The following NCKAP5 variants were observed in gnomAD, a reference collection of about 807,000 sequenced individuals.
NCKAP5 encodes nck-associated protein 5.
NCKAP5 carries 92 observed loss-of-function variants against 167.0 expected under a neutral mutation model. That is an observed-to-expected ratio of 0.55 (90% CI 0.47 to 0.66). NCKAP5 has a LOEUF of 0.66. Among genes scored for constraint, NCKAP5 ranks in the 30% least tolerant of loss-of-function variants. The probability of loss-of-function intolerance (pLI) is 0.00; values close to 1 mark genes in which losing one functional copy is unlikely to be tolerated. For synonymous variants in NCKAP5, 891 were observed against 877.4 expected, an observed-to-expected ratio of 1.02 and a Z score of -0.27; for missense variants, 2,378 against 2,315.0, an observed-to-expected ratio of 1.03 and a Z score of -0.56.
chr2:133,445,698 G>A lies in NCKAP5; in HGVS notation c.69+71760C>T, dbSNP rs561220872. Among the ~76,000 whole-genome samples the A allele has an allele frequency of 1.2e-4, 19 of 152,264 alleles. 1 individual carries two copies. The highest frequency in any genetic ancestry group is 4.6e-4 in the African/African-American group (19 of 41,550). On this transcript the variant is annotated intron_variant, in intron 3 of 19. Transcript: ENST00000409261. Reference sequence around the variant, plus strand: ...CCACCTGGTCCCAGAGAAAGGGAGAGACTTTTTGGCAGCACAGGGAGAGTA... The same window carrying A: ...CCACCTGGTCCCAGAGAAAGGGAGAAACTTTTTGGCAGCACAGGGAGAGTA...
At chr2:133,003,499 C>T (rs945916464) in intron 6 of NCKAP5, among the ~76,000 whole-genome samples, 3 of 152,176 alleles carry the variant, frequency 2.0e-5, no homozygotes, top group African/African-American at 2.4e-5. Context: ...GAAGCTAGGA[C>T]ATCTAAGCAC....
intron 2 of NCKAP5, among the ~76,000 whole-genome samples, chr2:133,547,946 T>C (rs1380884249): frequency 6.9e-6 from 1 of 145,888 alleles, no homozygotes; most frequent in Non-Finnish European, 1.5e-5. Flanking sequence ...CGGGAGGACA[T>C]TCAAACCAAA....
intron 11 of NCKAP5, among the ~76,000 whole-genome samples, chr2:132,830,524 A>G (rs1042169435): frequency 3.9e-5 from 6 of 152,150 alleles, no homozygotes; most frequent in African/African-American, 1.4e-4. Flanking sequence ...GACCACCAGC[A>G]GAAGAGGTAT....
chr2:133,611,691 A>T, the NCKAP5 span, among the ~76,000 whole-genome samples: 13 of 152,288 alleles, frequency 8.5e-5, no homozygotes, highest in East Asian at 2.3e-3. Context: ...GGCAACTAAT[A>T]GCCTCTCCCT....
At chr2:133,152,100 A>G (rs1026805363) in intron 5 of NCKAP5, among the ~76,000 whole-genome samples, 3 of 152,238 alleles carry the variant, frequency 2.0e-5, no homozygotes, top group Admixed American at 6.5e-5. Flanking sequence ...GAAGACAAGT[A>G]AAATGCAGGG....
At chr2:132,689,309 T>C (rs1686416421) in intron 19 of NCKAP5, among the ~76,000 whole-genome samples, 1 of 152,198 alleles carries the variant, frequency 6.6e-6, no homozygotes, top group Non-Finnish European at 1.5e-5. Flanking sequence ...CCACATGTAC[T>C]CACTAGTAAG....
At chr2:133,410,734 C>G (rs983319723) in intron 3 of NCKAP5, among the ~76,000 whole-genome samples, 2 of 152,170 alleles carry the variant, frequency 1.3e-5, no homozygotes, top group African/African-American at 4.8e-5. Flanking sequence ...TTTAATAAGT[C>G]TTCTGCGTGA....
rs576119280 is a variant in NCKAP5, at chr2:132,783,353, A to C, written c.3458T>G (p.Leu1153Arg). 2.5e-6 allele frequency: 4 copies of C among 1,613,132 alleles called. No homozygotes were observed. The South Asian group carries it at 3.3e-5, about 13-fold the overall frequency. The change falls in exon 14 of 20, where the codon CTC becomes CGC. Residue 1153 changes from leucine (L) to arginine (R), a missense_variant. Around this residue, in one of 3 missense-constraint regions of NCKAP5, gnomAD observed 1,325 missense variants for 1,274.5 expected, o/e 1.04. Coordinates refer to ENST00000409261, the MANE Select transcript of NCKAP5 (RefSeq NM_207363.3). ...CCTGAGCAGCTGGGGAGACTTCATG[A>C]GCACTTTGAGTCCCACTGGAAGGCG... The part of the protein sequence containing the change: ...KTRLPVGLKV[L>R]MKSPQLLRKS...
At chr2:132,858,766 T>G (rs1046192300) in intron 11 of NCKAP5, among the ~76,000 whole-genome samples, 2 of 152,224 alleles carry the variant, frequency 1.3e-5, no homozygotes, top group African/African-American at 4.8e-5. Flanking sequence ...TGATGTCTAT[T>G]GTTAGCATAC....
At chr2:132,980,167 T>G (rs1371636246) in intron 7 of NCKAP5, among the ~76,000 whole-genome samples, 1 of 151,748 alleles carries the variant, frequency 6.6e-6, no homozygotes, top group Non-Finnish European at 1.5e-5. Flanking sequence ...TTTTTTATAT[T>G]TTTTTGTAGA....
chr2:132,881,934 T>G (rs1420505663), intron 8 of NCKAP5, among the ~76,000 whole-genome samples: 1 of 152,206 alleles, frequency 6.6e-6, no homozygotes, highest in Non-Finnish European at 1.5e-5. Flanking sequence ...TTACCTTGGT[T>G]GCATATGGTG....
intron 3 of NCKAP5, among the ~76,000 whole-genome samples, chr2:133,416,858 C>T (rs577856914): frequency 6.6e-6 from 1 of 152,136 alleles, no homozygotes; most frequent in East Asian, 1.9e-4. Flanking sequence ...AAGCAACATG[C>T]AACTTCCTCG....
intron 6 of NCKAP5, among the ~76,000 whole-genome samples, chr2:133,054,615 T>C (rs2079728691): frequency 6.6e-6 from 1 of 152,174 alleles, no homozygotes; most frequent in Admixed American, 6.5e-5. Context: ...GCCAAGGAAT[T>C]TGAGTTCTGA....
chr2:133,605,847 A>G, the NCKAP5 span, among the ~76,000 whole-genome samples: 4 of 152,182 alleles, frequency 2.6e-5, no homozygotes, highest in Non-Finnish European at 4.4e-5. Flanking sequence ...ATGTCTTACC[A>G]AGCTGCAATG....
intron 19 of NCKAP5, among the ~76,000 whole-genome samples, chr2:132,695,206 C>G (rs1411634026): frequency 6.6e-6 from 1 of 151,958 alleles, no homozygotes; most frequent in Non-Finnish European, 1.5e-5. Context: ...CATAAACATT[C>G]AATCCTGAAT....
intron 4 of NCKAP5, among the ~76,000 whole-genome samples, chr2:133,243,415 G>C (rs1460356424): frequency 6.6e-6 from 1 of 152,178 alleles, no homozygotes; most frequent in Non-Finnish European, 1.5e-5. Flanking sequence ...AAAAATACTT[G>C]CTTTGGTCCC....
At chr2:133,428,142 C>A (rs1213786026) in intron 3 of NCKAP5, among the ~76,000 whole-genome samples, 3 of 152,118 alleles carry the variant, frequency 2.0e-5, no homozygotes, top group African/African-American at 7.2e-5. Context: ...AATAACTATT[C>A]AAGAATATTC....
intron 16 of NCKAP5, among the ~76,000 whole-genome samples, chr2:132,749,929 C>T (rs888967789): frequency 1.3e-5 from 2 of 152,138 alleles, no homozygotes; most frequent in Admixed American, 1.3e-4. Context: ...ACTATGATGC[C>T]ATGAGCCTCA....
intron 11 of NCKAP5, among the ~76,000 whole-genome samples, chr2:132,827,206 T>C (rs1687188527): frequency 6.6e-6 from 1 of 152,226 alleles, no homozygotes; most frequent in Non-Finnish European, 1.5e-5. Flanking sequence ...TTAGATGTGA[T>C]ATATATTTTT....
Sources: allele counts gnomAD v4.1 joint callset (sites outside exome capture counted in the v4.1 genomes callset), GRCh38; gene constraint gnomAD v4.1.1; regional missense constraint gnomAD v4.1.1; transcripts MANE v1.5; gene names NCBI Gene and HGNC (gene_info 2026-07-23, HGNC 2026-07-21).